Variants in CD99L2 observed in about 807,000 individuals in gnomAD.
CD99L2 encodes the protein CD99 antigen-like protein 2.
Under a neutral mutation model 27.3 loss-of-function variants are expected in CD99L2, and 24 were observed. The observed-to-expected ratio is 0.88, with a 90% CI of 0.64 to 1.24. The LOEUF is 1.24. Ranked by LOEUF, CD99L2 falls within the 50% of genes most tolerant of loss-of-function variation. The pLI is 0.00. For synonymous variants in CD99L2, 97 were observed against 87.9 expected, an observed-to-expected ratio of 1.10 and a Z score of -0.58; for missense variants, 255 against 221.6, an observed-to-expected ratio of 1.15 and a Z score of -0.96.
intron 1 of CD99L2, among the ~76,000 whole-genome samples, chrX:150,853,910 T>G (rs1460093457): frequency 8.9e-6 from 1 of 111,932 alleles, no homozygotes; most frequent in African/African-American, 3.2e-5. Context: ...AGGATATGCC[T>G]GAGAGATGTT....
At chrX:150,861,306 C>T (rs1222511711) in intron 1 of CD99L2, among the ~76,000 whole-genome samples, 1 of 111,049 alleles carries the variant, frequency 9.0e-6, no homozygotes, top group Non-Finnish European at 1.9e-5. Flanking sequence ...ATAGCCAAAG[C>T]AATCCTGAGC....
chrX:150,804,710 A>G (rs2045968110), intron 4 of CD99L2, among the ~76,000 whole-genome samples: 1 of 112,452 alleles, frequency 8.9e-6, no homozygotes, highest in Non-Finnish European at 1.9e-5. Flanking sequence ...GACAAAGAAA[A>G]AGAGAGAGGA....
intron 1 of CD99L2, among the ~76,000 whole-genome samples, chrX:150,851,884 C>T (rs1569566074): frequency 8.9e-6 from 1 of 112,176 alleles, no homozygotes; most frequent in Non-Finnish European, 1.9e-5. Context: ...AATTTCCCAT[C>T]TTAAGATCCA....
intron 2 of CD99L2, among the ~76,000 whole-genome samples, chrX:150,823,094 G>A (rs1177351367): frequency 1.8e-5 from 2 of 112,007 alleles, no homozygotes; most frequent in African/African-American, 6.5e-5. Flanking sequence ...GACCATGATT[G>A]TAAGTTTCCT....
chrX:150,834,564 G>A (rs1238639153), intron 1 of CD99L2, among the ~76,000 whole-genome samples: 3 of 112,399 alleles, frequency 2.7e-5, no homozygotes, highest in Admixed American at 1.9e-4. Context: ...TGGCTATTAT[G>A]AAGAAGACAA....
intron 2 of CD99L2, chrX:150,828,517 C>A (rs1325999877): frequency 2.7e-5 from 3 of 111,381 alleles, no homozygotes; most frequent in Non-Finnish European, 5.7e-5. Context: ...CCTTGACTTT[C>A]TCAACTCAAT....
At chrX:150,797,971 G>A (rs35686645) in intron 4 of CD99L2, among the ~76,000 whole-genome samples, 1 of 103,030 alleles carries the variant, frequency 9.7e-6, no homozygotes, top group East Asian at 3.0e-4. Context: ...CTTGAGCCCA[G>A]GTGGAGGCTG....
chrX:150,770,902 A>G (rs933836784), intron 9 of CD99L2, among the ~76,000 whole-genome samples: 9 of 112,813 alleles, frequency 8.0e-5, no homozygotes, highest in Non-Finnish European at 1.7e-4. Context: ...CAGCAGGAAT[A>G]ACCGCTGTGT....
intron 4 of CD99L2, among the ~76,000 whole-genome samples, chrX:150,811,667 C>A (rs2046074002): frequency 9.0e-6 from 1 of 111,534 alleles, no homozygotes; most frequent in African/African-American, 3.3e-5. Flanking sequence ...TATAAGGATA[C>A]CAAGTGCAAC....
chrX:150,770,622 A>G (rs1213359691), intron 9 of CD99L2, among the ~76,000 whole-genome samples: 2 of 112,568 alleles, frequency 1.8e-5, no homozygotes, highest in Non-Finnish European at 3.8e-5. Context: ...GGCTTCCGGC[A>G]CTCCATCCTC....
At chrX:150,851,274 A>G (rs1557421590) in intron 1 of CD99L2, among the ~76,000 whole-genome samples, 1 of 111,959 alleles carries the variant, frequency 8.9e-6, no homozygotes, top group African/African-American at 3.2e-5. Context: ...CATTCTGTAG[A>G]AGGAAGGGAT....
chrX:150,802,863 G>A (rs1454026910), intron 4 of CD99L2, among the ~76,000 whole-genome samples: 1 of 93,736 alleles, frequency 1.1e-5, no homozygotes, highest in African/African-American at 3.9e-5. Context: ...TTACAGGCGG[G>A]AGCCACCGTG....
Position 150,768,812 on chromosome X carries a change from T to C in CD99L2, c.*222A>G. The stretch of plus-strand genomic sequence containing the variant: ...GCTCCCGAGGCTGGTGCTGGCTTTC[T>C]ATCAGAGCTGGCTCTTGAATTTCGG... On this transcript the variant is annotated 3_prime_UTR_variant, in exon 11 of 11. Coordinates refer to ENST00000370377, the MANE Select transcript of CD99L2 (RefSeq NM_031462.4). 2.4e-6 allele frequency: 2 copies of C among 843,620 alleles called. No homozygotes were observed. Among genetic ancestry groups the C allele is most frequent in the Non-Finnish European group, 3.0e-6 (2 of 661,533 alleles). 69.5% of individuals were successfully genotyped at this position (843,620 alleles called of 1,213,427 possible). A position where few individuals can be genotyped will look rare whatever the true frequency, so the allele number is the denominator to read the frequency against.
At chrX:150,862,508 G>T (rs1229769846) in intron 1 of CD99L2, among the ~76,000 whole-genome samples, 1 of 112,334 alleles carries the variant, frequency 8.9e-6, no homozygotes, top group African/African-American at 3.2e-5. Flanking sequence ...CCTCCAAAAG[G>T]AGCACAGCCA....
intron 4 of CD99L2, among the ~76,000 whole-genome samples, chrX:150,798,177 AAGGAAGGGAGGG>A (rs2045835883): frequency 1.1e-4 from 1 of 9,147 alleles, no homozygotes; most frequent in African/African-American, 4.2e-4. Flanking sequence ...GGAAGGAAGG[AAGGAAGGGAGGG>A]AGGGAGGGAG....
chrX:150,874,171 G>A (rs1271859487), intron 1 of CD99L2, among the ~76,000 whole-genome samples: 1 of 112,046 alleles, frequency 8.9e-6, no homozygotes, highest in Non-Finnish European at 1.9e-5. Flanking sequence ...AGCCTCACAC[G>A]TGAGGTGCTA....
At chrX:150,881,707 G>A (rs782473429) in intron 1 of CD99L2, among the ~76,000 whole-genome samples, 23 of 112,387 alleles carry the variant, frequency 2.0e-4, no homozygotes, top group Non-Finnish European at 1.7e-4. Context: ...GATTAGCACC[G>A]GCACAGGTGC....
rs41311370 is a variant in CD99L2 at position 150,768,955 on chromosome X, C to T, written c.*79G>A. The T allele has an allele frequency of 0.066, 72,560 of 1,096,885 alleles. 1,883 individuals carry two copies. The highest frequency in any genetic ancestry group is 0.088 in the Middle Eastern group (321 of 3,649). The allele number at this position is 1,096,885 out of a possible 1,213,427, so 90.4% of individuals were successfully genotyped here. A position where few individuals can be genotyped will look rare whatever the true frequency, so the allele number is the denominator to read the frequency against. ...ATGGCACAGAGCAGCACAGCAGCTG[C>T]GGGTCCAAATGAAGGGGTGGGGGGA... On this transcript the variant is annotated 3_prime_UTR_variant, in exon 11 of 11. Coordinates refer to ENST00000370377, the MANE Select transcript of CD99L2 (RefSeq NM_031462.4).
At chrX:150,816,428 C>A (rs187982633) in intron 2 of CD99L2, 46 of 219,941 alleles carry the variant, frequency 2.1e-4, no homozygotes, top group African/African-American at 1.1e-3. Context: ...GGGCTCCAAG[C>A]CTTGGTTCCA....
Sources: allele counts gnomAD v4.1 joint callset (sites outside exome capture counted in the v4.1 genomes callset), GRCh38; gene constraint gnomAD v4.1.1; transcripts MANE v1.5; gene names NCBI Gene and HGNC (gene_info 2026-07-23, HGNC 2026-07-21).